The following SCAF11 variants were observed in gnomAD, a reference collection of about 807,000 sequenced individuals.
SCAF11 encodes the protein protein SCAF11.
Under a neutral mutation model 140.5 loss-of-function variants are expected in SCAF11, and 47 were observed. That is an observed-to-expected ratio of 0.33 (90% CI 0.26 to 0.43). The LOEUF is 0.43. SCAF11 is among the 20% of genes least tolerant of loss of function. The probability of loss-of-function intolerance (pLI) is 1.00; values close to 1 mark genes in which losing one functional copy is unlikely to be tolerated. For synonymous variants in SCAF11, 557 were observed against 579.4 expected, an observed-to-expected ratio of 0.96 and a Z score of 0.55; for missense variants, 1,645 against 1,705.1, an observed-to-expected ratio of 0.96 and a Z score of 0.62.
At chr12:45,978,867 GTGC>G (rs1946291706) in intron 1 of SCAF11, among the ~76,000 whole-genome samples, 1 of 152,024 alleles carries the variant, frequency 6.6e-6, no homozygotes. Context: ...TAGTTCATTT[GTGC>G]TGCTGTACAA....
At chr12:45,950,270 G>C (rs1324902598) in intron 4 of SCAF11, among the ~76,000 whole-genome samples, 1 of 152,068 alleles carries the variant, frequency 6.6e-6, no homozygotes, top group Non-Finnish European at 1.5e-5. Flanking sequence ...AATTCAAGAA[G>C]TTCAATTGCA....
At chr12:45,922,841 G>T in intron 13 of SCAF11, 95 bp downstream of exon 13, 3 of 1,172,108 alleles carry the variant, frequency 2.6e-6, no homozygotes, top group African/African-American at 1.5e-5. Flanking sequence ...CAGCCAATAA[G>T]AAATTCCCTT....
intron 1 of SCAF11, chr12:45,974,388 A>G: frequency 2.8e-6 from 1 of 356,346 alleles, no homozygotes; most frequent in Non-Finnish European, 5.6e-6. Flanking sequence ...TCCTTTCACA[A>G]AAAATTTCTC....
intron 8 of SCAF11, 119 bp from the exon 9 acceptor site, chr12:45,933,351 A>G: frequency 1.8e-6 from 1 of 546,878 alleles, no homozygotes. Context: ...CACACTTACA[A>G]GCATGTGAGC....
intron 1 of SCAF11, among the ~76,000 whole-genome samples, chr12:45,986,359 C>CA (rs1946458305): frequency 6.6e-6 from 1 of 152,192 alleles, no homozygotes; most frequent in Non-Finnish European, 1.5e-5. Flanking sequence ...CTTTCTCCCT[C>CA]ACTTTCAATC....
intron 14 of SCAF11, 23 bp from the exon 15 acceptor site, chr12:45,922,217 T>C (rs2136489908): frequency 6.3e-7 from 1 of 1,582,780 alleles, no homozygotes; most frequent in Non-Finnish European, 8.5e-7. Context: ...GGGTGGGGGG[T>C]AAACTTTTTT....
At chr12:45,963,523 A>G (rs959455780) in intron 2 of SCAF11, among the ~76,000 whole-genome samples, 1 of 152,180 alleles carries the variant, frequency 6.6e-6, no homozygotes, top group Non-Finnish European at 1.5e-5. Context: ...TTTAAAGTGG[A>G]TAAAATAGAT....
intron 1 of SCAF11, among the ~76,000 whole-genome samples, chr12:45,965,171 G>C (rs1489005480): frequency 1.3e-5 from 2 of 152,190 alleles, no homozygotes; most frequent in Non-Finnish European, 2.9e-5. Context: ...CAAGATAAAA[G>C]TGATATAAGT....
upstream of SCAF11, among the ~76,000 whole-genome samples, chr12:45,990,847 G>T (rs1195627187): frequency 6.6e-6 from 1 of 152,232 alleles, no homozygotes; most frequent in African/African-American, 2.4e-5. Flanking sequence ...GGGCAGCTGC[G>T]CTGGAGGGGC....
At chr12:45,991,843 G>C (rs1049332562), upstream of SCAF11, 11 of 1,243,344 alleles carry the variant, frequency 8.8e-6, no homozygotes, top group South Asian at 1.3e-5. Flanking sequence ...TCCTGCTTGC[G>C]GCTCCCGCAG....
In SCAF11 at chr12:45,922,938, T is replaced by C. The variant is rs1944749480; in HGVS notation, c.4123A>G (p.Lys1375Glu). ...EASADSSKTD[K>E]KLQIQEKAAQ... ...GTTGCTCTCAACCTTGAACTTGCCT[T>C]GTCTGTCTTCGAGCTATCTGCGCTG... is the stretch of plus-strand genomic sequence containing the variant. The change falls in exon 13 of 15, where the codon AAG becomes GAG. Residue 1375 changes from lysine to glutamate, a missense_variant and splice_region_variant. This residue lies in a region of SCAF11 where 1,582 missense variants were observed against 1,609.2 expected (regional missense o/e 0.98). Transcript: ENST00000369367. 1.2e-6 allele frequency: 2 copies of C among 1,613,938 alleles called. No homozygotes were observed. Among genetic ancestry groups the C allele is most frequent in the African/African-American group, 1.3e-5 (1 of 74,948 alleles).
chr12:45,961,399 C>A, intron 3 of SCAF11: 2 of 681,482 alleles, frequency 2.9e-6, no homozygotes, highest in South Asian at 3.2e-5. Context: ...AGCACAGAGT[C>A]AAGTACACTG....
intron 1 of SCAF11, among the ~76,000 whole-genome samples, chr12:45,967,538 G>A (rs1945980252): frequency 6.6e-6 from 1 of 152,122 alleles, no homozygotes; most frequent in Non-Finnish European, 1.5e-5. Context: ...CAGCTACAAG[G>A]GAGGGTGAGG....
intron 1 of SCAF11, among the ~76,000 whole-genome samples, chr12:45,983,783 A>ACAACTAATTTTTACCTTACTGT (rs1946401027): frequency 6.6e-6 from 1 of 151,554 alleles, no homozygotes; most frequent in Admixed American, 6.6e-5. Context: ...ACACACACAC[A>ACAACTAATTTTTACCTTACTGT]CAAAGACTGA....
chr12:45,922,625 C>G (rs1289294642), intron 13 of SCAF11, 43 bp from the exon 14 acceptor site: 2 of 1,544,566 alleles, frequency 1.3e-6, no homozygotes, highest in African/African-American at 2.8e-5. Context: ...GCCAGTCATA[C>G]TGCTCTCACA....
intron 5 of SCAF11, among the ~76,000 whole-genome samples, chr12:45,946,583 T>C (rs1171337096): frequency 6.6e-6 from 1 of 152,148 alleles, no homozygotes; most frequent in Non-Finnish European, 1.5e-5. Context: ...TATAGGTAAT[T>C]CTGTGATGAC....
At chr12:45,925,702 ATCT>A (rs1944841416) in intron 11 of SCAF11, among the ~76,000 whole-genome samples, 1 of 152,246 alleles carries the variant, frequency 6.6e-6, no homozygotes, top group Admixed American at 6.5e-5. Flanking sequence ...CAATTTTTAC[ATCT>A]TCAACAGCCT....
rs186976079 is a variant in SCAF11, at chr12:45,950,825, C to T, written c.297+825G>A. On this transcript the variant is annotated intron_variant, in intron 4 of 14. Transcript: ENST00000369367. ...TACATTGCTTCCATCCCCTTTTCTACTTACATAGACAGTAACCAAGTGGAC... is the reference window on the plus strand; with the variant it reads ...TACATTGCTTCCATCCCCTTTTCTATTTACATAGACAGTAACCAAGTGGAC... 4.6e-5 allele frequency among the ~76,000 whole-genome samples: 7 copies of T among 152,252 alleles called. No homozygotes were observed. The East Asian group carries it at 1.2e-3, about 25-fold the overall frequency.
At chr12:45,975,323 C>T (rs1278995024) in intron 1 of SCAF11, 1 of 152,252 alleles carries the variant, frequency 6.6e-6, no homozygotes, top group Non-Finnish European at 1.5e-5. Flanking sequence ...CAGGCATTGA[C>T]TTCTCCTCTC....
Sources: allele counts gnomAD v4.1 joint callset (sites outside exome capture counted in the v4.1 genomes callset), GRCh38; gene constraint gnomAD v4.1.1; regional missense constraint gnomAD v4.1.1; transcripts MANE v1.5; gene names NCBI Gene and HGNC (gene_info 2026-07-23, HGNC 2026-07-21).